EIF3L: variants seen among roughly 807,000 people sequenced by gnomAD.
The protein encoded by EIF3L is eukaryotic translation initiation factor 3 subunit L, also known as eIEF associated protein HSPC021.
Under a neutral mutation model 74.6 loss-of-function variants are expected in EIF3L, and 32 were observed. That is an observed-to-expected ratio of 0.43 (90% confidence interval 0.32 to 0.58). EIF3L has a LOEUF of 0.58. Ranked by LOEUF, EIF3L falls within the 20% of genes least tolerant of loss-of-function variation. The pLI is 0.06. For synonymous variants in EIF3L, 256 were observed against 254.4 expected (o/e 1.01, Z -0.06); for missense variants, 474 against 707.8 (o/e 0.67, Z 3.75).
intron 8 of EIF3L, chr22:37,871,255 C>T (rs887584574): frequency 2.0e-5 from 3 of 152,126 alleles, no homozygotes; most frequent in Non-Finnish European, 4.4e-5. Context: ...GCAGTCCTGC[C>T]TTGGCCTCCC....
intron 4 of EIF3L, among the ~76,000 whole-genome samples, chr22:37,858,254 G>A (rs1034578133): frequency 7.1e-6 from 1 of 139,892 alleles, no homozygotes; most frequent in African/African-American, 2.7e-5. Context: ...TGACATGGGG[G>A]TCTCACTGTG....
chr22:37,854,953 T>C (rs1223250591), intron 3 of EIF3L, among the ~76,000 whole-genome samples: 1 of 152,152 alleles, frequency 6.6e-6, no homozygotes, highest in Non-Finnish European at 1.5e-5. Context: ...TTCAGTGTTT[T>C]TTAGGGGAAC....
At chr22:37,878,386 CCT>C (rs1926864925) in intron 11 of EIF3L, 1 of 440,942 alleles carries the variant, frequency 2.3e-6, no homozygotes, top group Non-Finnish European at 3.9e-6. Flanking sequence ...TCAAGACCAG[CCT>C]GGGCAACGTA....
intron 7 of EIF3L, among the ~76,000 whole-genome samples, chr22:37,869,744 C>T (rs1213936606): frequency 6.6e-6 from 1 of 152,076 alleles, no homozygotes; most frequent in African/African-American, 2.4e-5. Flanking sequence ...CTCACACGTG[C>T]AGATACCTAT....
At chr22:37,855,971 G>T (rs933406125) in intron 4 of EIF3L, among the ~76,000 whole-genome samples, 2 of 151,992 alleles carry the variant, frequency 1.3e-5, no homozygotes, top group Admixed American at 1.3e-4. Context: ...TTATATATGG[G>T]TGAGGTAGGC....
intron 2 of EIF3L, among the ~76,000 whole-genome samples, chr22:37,850,322 TTTTTTG>T (rs542709505): frequency 9.5e-4 from 144 of 152,170 alleles, no homozygotes; most frequent in African/African-American, 3.0e-3. Flanking sequence ...TAAGAAAAGC[TTTTTTG>T]TTTTTGTTTT....
intron 11 of EIF3L, chr22:37,882,608 C>G (rs1050947177): frequency 1.3e-5 from 2 of 152,098 alleles, no homozygotes; most frequent in Admixed American, 1.3e-4. Flanking sequence ...ACCTGGGAAG[C>G]AGAAGCTGCA....
chr22:37,864,355 G>T (rs1386988200), intron 7 of EIF3L, among the ~76,000 whole-genome samples: 1 of 152,052 alleles, frequency 6.6e-6, no homozygotes, highest in Non-Finnish European at 1.5e-5. Flanking sequence ...TCTTGATTGT[G>T]GTGGTGGTTA....
At chr22:37,862,549 G>C (rs1375291470) in intron 5 of EIF3L, among the ~76,000 whole-genome samples, 1 of 152,214 alleles carries the variant, frequency 6.6e-6, no homozygotes, top group Non-Finnish European at 1.5e-5. Context: ...CCCTGACCTA[G>C]ATGCTTGTTT....
At chr22:37,874,704 T>C (rs1253074017) in intron 9 of EIF3L, among the ~76,000 whole-genome samples, 180 bp downstream of exon 9, 2 of 152,160 alleles carry the variant, frequency 1.3e-5, no homozygotes, top group African/African-American at 4.8e-5. Context: ...TGGACGATTT[T>C]GGTAGTTAAC....
chr22:37,868,628 TTGG>T (rs1219291380), intron 7 of EIF3L, among the ~76,000 whole-genome samples: 1 of 118,214 alleles, frequency 8.5e-6, no homozygotes. Context: ...TATTTTTGTT[TTGG>T]TGCTTTTTTT....
chr22:37,866,675 A>G (rs528463449), intron 7 of EIF3L, among the ~76,000 whole-genome samples: 3 of 152,214 alleles, frequency 2.0e-5, no homozygotes, highest in Non-Finnish European at 2.9e-5. Context: ...AATCCCAGCT[A>G]TTTAGGAGGC....
intron 10 of EIF3L, chr22:37,876,293 T>G: frequency 4.6e-6 from 1 of 217,082 alleles, no homozygotes; most frequent in Non-Finnish European, 8.6e-6. Context: ...CAACACCGGC[T>G]AATTTTTTTT....
At chr22:37,852,597 G>A (rs1169273006) in intron 3 of EIF3L, among the ~76,000 whole-genome samples, 1 of 152,110 alleles carries the variant, frequency 6.6e-6, no homozygotes, top group East Asian at 1.9e-4. Flanking sequence ...ATTGATCAAT[G>A]AATAGGATCT....
chr22:37,880,062 G>T (rs1053023548), intron 11 of EIF3L: 10 of 150,902 alleles, frequency 6.6e-5, no homozygotes, highest in African/African-American at 2.4e-4. Context: ...CGGCCTCCCA[G>T]AGTGCTAGGA....
chr22:37,866,067 T>G (rs906628420), intron 7 of EIF3L, among the ~76,000 whole-genome samples: 2 of 152,204 alleles, frequency 1.3e-5, no homozygotes, highest in Non-Finnish European at 2.9e-5. Flanking sequence ...AAACTACAGA[T>G]ATAGTGAAAG....
At chr22:37,868,924 G>T (rs1926328571) in intron 7 of EIF3L, among the ~76,000 whole-genome samples, 1 of 151,890 alleles carries the variant, frequency 6.6e-6, no homozygotes, top group South Asian at 2.1e-4. Context: ...TTACAGGCAT[G>T]AGCCACCGCA....
chr22:37,864,021 T>C (rs1010508149), intron 7 of EIF3L, among the ~76,000 whole-genome samples: 4 of 151,332 alleles, frequency 2.6e-5, no homozygotes, highest in African/African-American at 9.7e-5. Flanking sequence ...GCCAAGATCG[T>C]GCCACTGCAC....
At chr22:37,861,280 CCA>C (rs1383534296) in intron 5 of EIF3L, among the ~76,000 whole-genome samples, 2 of 152,096 alleles carry the variant, frequency 1.3e-5, no homozygotes, top group Admixed American at 1.3e-4. Flanking sequence ...CCTGCCTTGG[CCA>C]CAGGAGCCAC....
Sources: allele counts gnomAD v4.1 joint callset (sites outside exome capture counted in the v4.1 genomes callset), GRCh38; gene constraint gnomAD v4.1.1; transcripts MANE v1.5; gene names NCBI Gene and HGNC (gene_info 2026-07-23, HGNC 2026-07-21).